Variants in NF1 observed in about 807,000 individuals in gnomAD.
NF1 encodes neurofibromin.
A neutral mutation model predicts 325.7 loss-of-function variants in NF1; 122 were observed. The ratio of observed to expected loss-of-function variants is 0.37; its 90% CI spans 0.32 to 0.44. NF1 has a LOEUF of 0.44. Ranked by LOEUF, NF1 falls within the 20% of genes least tolerant of loss-of-function variation. NF1 has a pLI of 1.00. For missense variants in NF1, 2,140 were observed against 3,415.4 expected, an observed-to-expected ratio of 0.63 and a Z score of 9.31; for synonymous variants, 1,091 against 1,186.0, an observed-to-expected ratio of 0.92 and a Z score of 1.65.
Position 31,327,575 on chromosome 17 carries a change from T to C in NF1, c.5345T>C (p.Ile1782Thr). Residue 1782 changes from isoleucine (I) to threonine (T), a missense_variant, in exon 38 of 58, where the codon ATT becomes ACT. Transcript: ENST00000358273. The stretch of plus-strand genomic sequence containing the variant: ...GGGCAATCAGTCTTTCTAAATGACA[T>C]TTATTATGCTTCGGAAATTGAAGAA... ...VLGQSVFLND[I>T]YYASEIEEIC... 1 of 1,614,210 alleles carries C rather than the reference T, an allele frequency of 6.2e-7. No individual in the cohort carries two copies. Among genetic ancestry groups the C allele is most frequent in the Non-Finnish European group, 8.5e-7 (1 of 1,180,042 alleles).
intron 36 of NF1, chr17:31,305,219 C>T: frequency 6.2e-7 from 1 of 1,614,088 alleles, no homozygotes; most frequent in Non-Finnish European, 8.5e-7. Flanking sequence ...GAAGTACGGG[C>T]AGATGGTAGT....
rs1379087722 is a variant in NF1, at chr17:31,198,861, C to T, written c.889-1561C>T. ...CTTAAACTCCTGACCTCAAGTGATT[C>T]GCCTGCTTTGGCTTCCCAAAGTGCT... On this transcript the variant is annotated intron_variant, in intron 8 of 57. Transcript: ENST00000358273. Among the ~76,000 whole-genome samples, 10 of 152,272 alleles carry T rather than the reference C, an allele frequency of 6.6e-5. No individual in the cohort carries two copies. In the South Asian group the frequency reaches 1.0e-3, roughly 16 times the overall value.
rs1415943041 is a variant in NF1 at position 31,095,287 on chromosome 17, C to T, written c.-23C>T. On this transcript the variant is annotated 5_prime_UTR_variant, in exon 1 of 58. Coordinates refer to ENST00000358273, the MANE Select transcript of NF1 (RefSeq NM_001042492.3). Reference sequence around the variant, plus strand: ...GGCGCCGGCCCACCCTTCCCTCCGCCGCCCCCCGGCCGCGGGGAGGACATG... The same window carrying T: ...GGCGCCGGCCCACCCTTCCCTCCGCTGCCCCCCGGCCGCGGGGAGGACATG... 2 of 1,535,114 alleles carry T rather than the reference C, an allele frequency of 1.3e-6. No homozygotes were observed. The highest frequency in any genetic ancestry group is 4.9e-5 in the East Asian group (2 of 40,852).
rs138952888 is a variant in NF1, at chr17:31,163,263, C to T, written c.366C>T (p.His122=). 1.9e-6 allele frequency: 3 copies of T among 1,614,146 alleles called. No homozygotes were observed. The highest frequency in any genetic ancestry group is 2.5e-6 in the Non-Finnish European group (3 of 1,180,016). Residue 122 remains histidine (H), a synonymous_variant, in exon 4 of 58, where the codon CAC becomes CAT. Transcript: ENST00000358273. ...TGCCAGAAATCTGCCATTTTCTTCA[C>T]ACCTGTCGTGAAGGAAACCAGCATG... is the stretch of plus-strand genomic sequence containing the variant. ...QLLPEICHFL[H]TCREGNQHAA...
intron 1 of NF1, 39 bp downstream of exon 1, chr17:31,095,408 G>T (rs915960641): frequency 3.1e-5 from 48 of 1,531,638 alleles, no homozygotes; most frequent in Middle Eastern, 4.4e-4. Flanking sequence ...GGAGCGGAGT[G>T]GGGGTGGGGA....
chr17:31,182,558 A>G lies in NF1; in HGVS notation c.781A>G (p.Lys261Glu), dbSNP rs2066156804. 2 of 1,613,996 alleles carry G rather than the reference A, an allele frequency of 1.2e-6. No individual in the cohort carries two copies. The highest frequency in any genetic ancestry group is 1.3e-5 in the African/African-American group (1 of 74,946). ...GGTGGATGGTTTTGCTGAAAGCACC[A>G]AACGTAAAGCAGCAGTTTGGCCACT... ...DLVDGFAESTKRKAAVWPLQI... is the reference protein window; with the variant it reads ...DLVDGFAESTERKAAVWPLQI... Residue 261 changes from lysine to glutamate, a missense_variant, in exon 8 of 58, where the codon AAA (lysine) becomes GAA (glutamate). By Grantham distance (56) the Lys-to-Glu change is moderately conservative. Around this residue, in one of 10 missense-constraint regions of NF1, gnomAD observed 246 missense variants for 347.8 expected, o/e 0.71. Transcript: ENST00000358273.
rs761512189 is a variant in NF1, at chr17:31,235,958, T to C, written c.3911T>C (p.Leu1304Ser). The C allele has an allele frequency of 1.2e-6, 2 of 1,614,012 alleles. No individual in the cohort carries two copies. The highest frequency in any genetic ancestry group is 2.7e-5 in the African/African-American group (2 of 74,924). ...TATCTACAAAAACTCCTGGATCCTT[T>C]ATTACGAATTGTGATCACATCCTCT... is the stretch of plus-strand genomic sequence containing the variant. Reference protein sequence around the residue: ...ATYLQKLLDPLLRIVITSSDW... With the variant: ...ATYLQKLLDPSLRIVITSSDW... Residue 1304 changes from leucine (L) to serine (S), a missense_variant, in exon 29 of 58, where the codon TTA (leucine) becomes TCA (serine). Transcript: ENST00000358273.
intron 1 of NF1, chr17:31,138,247 T>C (rs1198748598): frequency 6.6e-6 from 1 of 152,170 alleles, no homozygotes; most frequent in Non-Finnish European, 1.5e-5. Context: ...ATCTTCCAAC[T>C]CTTTAATGTT....
intron 1 of NF1, among the ~76,000 whole-genome samples, chr17:31,140,406 AGTT>A (rs1278011883): frequency 1.3e-5 from 2 of 152,236 alleles, no homozygotes; most frequent in Non-Finnish European, 2.9e-5. Context: ...GCTAATTAGT[AGTT>A]GTTTATAGCA....
intron 30 of NF1, 94 bp from the exon 31 acceptor site, chr17:31,252,843 AT>A: frequency 1.0e-6 from 1 of 980,286 alleles, no homozygotes. Flanking sequence ...TTTGTGTTAC[AT>A]TTTATGGTGT....
chr17:31,185,578 A>G (rs578039304), intron 8 of NF1, among the ~76,000 whole-genome samples: 3 of 152,278 alleles, frequency 2.0e-5, no homozygotes, highest in Admixed American at 1.3e-4. Context: ...TTCTAAGGTG[A>G]AGAATATTGC....
chr17:31,148,912 A>C (rs1674097758), intron 1 of NF1, among the ~76,000 whole-genome samples: 1 of 152,172 alleles, frequency 6.6e-6, no homozygotes, highest in South Asian at 2.1e-4. Flanking sequence ...CAAAAACAAT[A>C]TGTATTCCAT....
rs190955510 is a variant in NF1, at chr17:31,329,963, C to A, written c.5610-333C>A. Among the ~76,000 whole-genome samples, 292 of 152,230 alleles carry A rather than the reference C, an allele frequency of 1.9e-3. 2 individuals carry two copies. Among genetic ancestry groups the A allele is most frequent in the African/African-American group, 6.7e-3 (280 of 41,552 alleles). On this transcript the variant is annotated intron_variant, in intron 38 of 57. Transcript: ENST00000358273. ...GGTGTGCCTTATTCTGACTTAATTT[C>A]TATTGATCCACATTAGGACCATAAG...
intron 2 of NF1, among the ~76,000 whole-genome samples, chr17:31,157,246 C>T (rs573085020): frequency 5.9e-4 from 90 of 152,284 alleles, no homozygotes; most frequent in South Asian, 1.5e-3. Flanking sequence ...GCCTCGGCCT[C>T]CCAAAGTGCT....
chr17:31,322,084 A>AGT lies in NF1; in HGVS notation c.4836-3729_4836-3728dup, dbSNP rs201751441. ...GACAGAAAATGCTTTCGTGTGGTGT[A>AGT]GTGTGTGTATACACACACACACACA... On this transcript the variant is annotated intron_variant, in intron 36 of 57. Coordinates refer to ENST00000358273, the MANE Select transcript of NF1 (RefSeq NM_001042492.3). Among the ~76,000 whole-genome samples, 19 of 98,630 alleles carry AGT rather than the reference A, an allele frequency of 1.9e-4. No individual in the cohort carries two copies. In the Admixed American group the frequency reaches 2.3e-3, roughly 12 times the overall value. 64.7% of individuals were successfully genotyped at this position (98,630 alleles called of 152,430 possible).
rs369218785 is a variant in NF1 at position 31,242,216 on chromosome 17, ATCT to A, written c.3974+6200_3974+6202del. ...TCTGATTATTAAATACCTTGAGTTA[ATCT>A]TCTTTGGTTTAAATCTGTTTGGTGT... On this transcript the variant is annotated intron_variant, in intron 29 of 57. Transcript: ENST00000358273. Among the ~76,000 whole-genome samples, 1,179 of 149,086 alleles carry A rather than the reference ATCT, an allele frequency of 7.9e-3. 21 individuals are homozygous for A. Among genetic ancestry groups the A allele is most frequent in the African/African-American group, 0.028 (1,130 of 40,280 alleles).
At position 31,358,474 on chromosome 17, in the gene NF1, T is replaced by C; in HGVS notation, c.7971-6T>C. On this transcript the variant is annotated splice_polypyrimidine_tract_variant and splice_region_variant and intron_variant, in intron 54 of 57. Coordinates refer to ENST00000358273, the MANE Select transcript of NF1 (RefSeq NM_001042492.3). Reference sequence around the variant, plus strand: ...TGTTCCTCTGTTGACTTTTTTTTTCTTTTAGGCATAATTTGTTGGACTCTA... The same window carrying C: ...TGTTCCTCTGTTGACTTTTTTTTTCCTTTAGGCATAATTTGTTGGACTCTA... 1 of 1,613,538 alleles carries C rather than the reference T, an allele frequency of 6.2e-7. No homozygotes were observed. The highest frequency in any genetic ancestry group is 8.5e-7 in the Non-Finnish European group (1 of 1,179,642).
At chr17:31,201,004 A>G in intron 9 of NF1, 33 bp from the exon 10 acceptor site, 1 of 1,612,176 alleles carries the variant, frequency 6.2e-7, no homozygotes, top group South Asian at 1.1e-5. Context: ...ATGGGTATTT[A>G]AAGGCTTTTG....
At chr17:31,246,901 A>C (rs1456722815) in intron 29 of NF1, among the ~76,000 whole-genome samples, 1 of 152,116 alleles carries the variant, frequency 6.6e-6, no homozygotes, top group African/African-American at 2.4e-5. Flanking sequence ...TACTGATAAG[A>C]GTTAGCAACA....
Sources: gnomAD v4.1 joint callset for allele counts (sites outside exome capture counted in the v4.1 genomes callset) on GRCh38, gnomAD v4.1.1 for gene constraint, gnomAD v4.1.1 regional missense constraint, MANE v1.5 for transcripts, NCBI Gene and HGNC (gene_info 2026-07-23, HGNC 2026-07-21) for gene names.